The following TSEN15 variants were observed in gnomAD, a reference collection of about 807,000 sequenced individuals.
TSEN15 encodes the protein tRNA-splicing endonuclease subunit Sen15.
In TSEN15, 10 loss-of-function variants were observed where a neutral mutation model predicts 20.5. That is an observed-to-expected ratio of 0.49 (90% CI 0.30 to 0.83). TSEN15 has a LOEUF of 0.83. Among genes scored for constraint, TSEN15 ranks in the 40% least tolerant of loss-of-function variants. The pLI is 0.06. For synonymous variants in TSEN15, 72 were observed against 80.1 expected, an observed-to-expected ratio of 0.90 and a Z score of 0.54; for missense variants, 180 against 218.6, an observed-to-expected ratio of 0.82 and a Z score of 1.11.
At chr1:184,071,242 G>A (rs1650871674) in intron 3 of TSEN15, 1 of 151,922 alleles carries the variant, frequency 6.6e-6, no homozygotes, top group Non-Finnish European at 1.5e-5. Context: ...ACGTTAAGAA[G>A]TAACTTATAT....
intron 3 of TSEN15, chr1:184,095,602 G>A (rs1651433714): frequency 2.5e-6 from 1 of 394,728 alleles, no homozygotes; most frequent in South Asian, 1.3e-4. Flanking sequence ...GAAGAAACAG[G>A]ATACCAGAGA....
At chr1:184,051,923 C>A in intron 1 of TSEN15, 33 bp downstream of exon 1, 1 of 1,497,978 alleles carries the variant, frequency 6.7e-7, no homozygotes, top group Non-Finnish European at 8.9e-7. Flanking sequence ...GGGCGCCGTC[C>A]AGGCCCCTAA....
At chr1:184,091,643 G>A (rs1017042265) in intron 3 of TSEN15, among the ~76,000 whole-genome samples, 1 of 152,060 alleles carries the variant, frequency 6.6e-6, no homozygotes, top group Non-Finnish European at 1.5e-5. Flanking sequence ...TTTTAGAAAA[G>A]GACAGGACTT....
chr1:184,056,854 T>TGCCA (rs938011643), intron 3 of TSEN15, among the ~76,000 whole-genome samples: 2 of 152,192 alleles, frequency 1.3e-5, no homozygotes, highest in African/African-American at 4.8e-5. Flanking sequence ...TCTGTCCTTT[T>TGCCA]GCCAATACCA....
At chr1:184,070,868 A>C (rs1650857587) in intron 3 of TSEN15, 1 of 199,744 alleles carries the variant, frequency 5.0e-6, no homozygotes, top group African/African-American at 2.3e-5. Context: ...TTAAGGACTA[A>C]GTCAATTTCT....
At chr1:184,058,974 C>T (rs962187550) in intron 3 of TSEN15, among the ~76,000 whole-genome samples, 2 of 150,512 alleles carry the variant, frequency 1.3e-5, no homozygotes, top group Admixed American at 1.3e-4. Flanking sequence ...ATAACAAATA[C>T]TTTCATGACA....
At chr1:184,088,351 T>C (rs1272734951) in intron 3 of TSEN15, among the ~76,000 whole-genome samples, 1 of 151,760 alleles carries the variant, frequency 6.6e-6, no homozygotes, top group African/African-American at 2.4e-5. Context: ...TTCTGAGGAG[T>C]CTGTTGATGG....
At chr1:184,058,449 T>C (rs949122810) in intron 3 of TSEN15, among the ~76,000 whole-genome samples, 1 of 152,052 alleles carries the variant, frequency 6.6e-6, no homozygotes, top group Non-Finnish European at 1.5e-5. Flanking sequence ...TTTTAACAAA[T>C]GGAAATGTGT....
Position 184,056,422 on chromosome 1 carries a change from T to G in TSEN15, c.353+1559T>G, listed in dbSNP as rs183281452. 5.6e-3 allele frequency among the ~76,000 whole-genome samples: 858 copies of G among 152,242 alleles called. 6 individuals carry two copies. Among genetic ancestry groups the G allele is most frequent in the African/African-American group, 0.019 (810 of 41,580 alleles). ...GGTTGTTTTTAGTTTTCTCATTGAC[T>G]TGTATGAATTCTTTATATATTCTTG... On this transcript the variant is annotated intron_variant, in intron 3 of 4. Coordinates refer to ENST00000645668, the MANE Select transcript of TSEN15 (RefSeq NM_052965.4).
intron 3 of TSEN15, among the ~76,000 whole-genome samples, chr1:184,087,351 C>T (rs1163843873): frequency 6.6e-6 from 1 of 152,140 alleles, no homozygotes; most frequent in Non-Finnish European, 1.5e-5. Context: ...ATACTTATAG[C>T]ATCCTTTGGT....
chr1:184,079,633 C>T (rs1367125594), intron 3 of TSEN15, among the ~76,000 whole-genome samples: 1 of 152,138 alleles, frequency 6.6e-6, no homozygotes, highest in Non-Finnish European at 1.5e-5. Flanking sequence ...ATCTTTTCAT[C>T]TTCTTATAAG....
chr1:184,060,752 A>G (rs1650423336), intron 3 of TSEN15, among the ~76,000 whole-genome samples: 2 of 150,864 alleles, frequency 1.3e-5, no homozygotes, highest in African/African-American at 4.8e-5. Context: ...AAAAGATAAT[A>G]AAAGATTAAG....
chr1:184,080,028 G>A (rs1191955599), intron 3 of TSEN15, among the ~76,000 whole-genome samples: 3 of 152,266 alleles, frequency 2.0e-5, no homozygotes, highest in African/African-American at 7.2e-5. Context: ...GTTTTCAAAC[G>A]ATCATCATAT....
downstream of TSEN15, among the ~76,000 whole-genome samples, chr1:184,074,656 A>G (rs552877015): frequency 3.3e-5 from 5 of 152,220 alleles, no homozygotes; most frequent in Non-Finnish European, 7.3e-5. Context: ...GAAGCAGGTC[A>G]TAGGTCCTGC....
At chr1:184,095,670 T>A (rs975793490) in intron 3 of TSEN15, 4 of 395,760 alleles carry the variant, frequency 1.0e-5, no homozygotes, top group Non-Finnish European at 1.8e-5. Flanking sequence ...TCTCTCTCTG[T>A]GTCTCTCTCT....
intron 3 of TSEN15, among the ~76,000 whole-genome samples, chr1:184,081,984 C>A (rs993770017): frequency 6.6e-6 from 1 of 152,132 alleles, no homozygotes; most frequent in Non-Finnish European, 1.5e-5. Context: ...GTGCCTATAG[C>A]ATAGAAGATT....
chr1:184,091,834 G>C (rs969111323), intron 3 of TSEN15, among the ~76,000 whole-genome samples: 2 of 152,140 alleles, frequency 1.3e-5, no homozygotes, highest in African/African-American at 4.8e-5. Context: ...AACTTATTTT[G>C]GGTTAGGTCC....
intron 3 of TSEN15, among the ~76,000 whole-genome samples, chr1:184,080,648 C>A (rs1286755372): frequency 6.6e-6 from 1 of 152,042 alleles, no homozygotes; most frequent in East Asian, 1.9e-4. Flanking sequence ...GAGTTTTATT[C>A]CAGAGGATAA....
chr1:184,066,293 T>C (rs1377509905), intron 3 of TSEN15, among the ~76,000 whole-genome samples: 1 of 148,330 alleles, frequency 6.7e-6, no homozygotes, highest in Admixed American at 6.8e-5. Context: ...TGACTATTTA[T>C]GTGAGTCAAT....
Sources: allele counts gnomAD v4.1 joint callset (sites outside exome capture counted in the v4.1 genomes callset), GRCh38; gene constraint gnomAD v4.1.1; transcripts MANE v1.5; gene names NCBI Gene and HGNC (gene_info 2026-07-23, HGNC 2026-07-21).